Variants in RAB3IP observed in about 807,000 individuals in gnomAD.
RAB3IP encodes RAB3A interacting protein, also known as rab-3A-interacting protein.
Under a neutral mutation model 59.1 loss-of-function variants are expected in RAB3IP, and 36 were observed. That is an observed-to-expected ratio of 0.61 (90% CI 0.47 to 0.80). The LOEUF (loss-of-function observed/expected upper bound fraction) is 0.80. Ranked by LOEUF, RAB3IP falls within the 30% of genes least tolerant of loss-of-function variation. The pLI is 0.00. For synonymous variants in RAB3IP, 207 were observed against 191.2 expected (o/e 1.08, Z -0.68); for missense variants, 511 against 536.0 (o/e 0.95, Z 0.46).
At chr12:69,808,078 C>G (rs1879769181) in intron 8 of RAB3IP, among the ~76,000 whole-genome samples, 1 of 152,186 alleles carries the variant, frequency 6.6e-6, no homozygotes, top group Non-Finnish European at 1.5e-5. Flanking sequence ...CCCAGAGATT[C>G]TGGTATGTTG....
At chr12:69,794,375 CAA>C in intron 4 of RAB3IP, 60 bp from the exon 5 acceptor site, 5 of 1,385,526 alleles carry the variant, frequency 3.6e-6, no homozygotes, top group Non-Finnish European at 5.1e-6. Flanking sequence ...AAACATTTGG[CAA>C]GAACTTTTTG....
rs1447773527 is a variant in RAB3IP at position 69,817,502 on chromosome 12, AT to A, written c.*2058del. The A allele has an allele frequency of 6.6e-6, 1 of 152,076 alleles. No individual in the cohort carries two copies. Among genetic ancestry groups the A allele is most frequent in the Admixed American group, 6.6e-5 (1 of 15,266 alleles). 9.4% of individuals were successfully genotyped at this position (152,076 alleles called of 1,614,324 possible). On this transcript the variant is annotated 3_prime_UTR_variant, in exon 11 of 11. Coordinates refer to ENST00000247833, the MANE Select transcript of RAB3IP (RefSeq NM_022456.5). ...GAATATAAGTTATGGTATATTATAAATTCTTAATTTAGAAATCGTGCATCAG... is the reference window on the plus strand; with the variant it reads ...GAATATAAGTTATGGTATATTATAAATCTTAATTTAGAAATCGTGCATCAG...
chr12:69,752,004 C>CTTTTTTTT (rs769835694), intron 1 of RAB3IP, among the ~76,000 whole-genome samples: 1 of 129,494 alleles, frequency 7.7e-6, no homozygotes, highest in African/African-American at 2.8e-5. Flanking sequence ...TTCTTTTGTT[C>CTTTTTTTT]TTTTTTTTTT....
chr12:69,743,332 T>G (rs1565865040), intron 1 of RAB3IP, among the ~76,000 whole-genome samples: 1 of 152,236 alleles, frequency 6.6e-6, no homozygotes, highest in East Asian at 1.9e-4. Flanking sequence ...CAATTCCCTG[T>G]GGGGAAAAGA....
intron 3 of RAB3IP, among the ~76,000 whole-genome samples, chr12:69,770,289 C>T (rs1872887148): frequency 1.3e-5 from 2 of 151,518 alleles, no homozygotes; most frequent in Admixed American, 6.6e-5. Context: ...TCCAAATCCG[C>T]CCCCCCACCC....
At chr12:69,809,633 G>A (rs971662427) in intron 8 of RAB3IP, among the ~76,000 whole-genome samples, 5 of 151,944 alleles carry the variant, frequency 3.3e-5, no homozygotes, top group Admixed American at 2.0e-4. Flanking sequence ...TTCTCTTCAC[G>A]CTTCATTTCA....
chr12:69,785,717 T>C (rs1875528760), intron 4 of RAB3IP, among the ~76,000 whole-genome samples: 2 of 152,246 alleles, frequency 1.3e-5, no homozygotes, highest in Admixed American at 1.3e-4. Flanking sequence ...TAAATGTTAT[T>C]CTTATCCAGA....
chr12:69,751,576 T>C (rs558310725), intron 1 of RAB3IP, among the ~76,000 whole-genome samples: 8 of 152,232 alleles, frequency 5.3e-5, no homozygotes, highest in Non-Finnish European at 8.8e-5. Context: ...TTTTCTAATA[T>C]GCTGAAAATC....
At chr12:69,739,808 T>A (rs1565861706) in intron 1 of RAB3IP, 1 of 1,613,738 alleles carries the variant, frequency 6.2e-7, no homozygotes. Context: ...GTGATGATGC[T>A]GGGTGGAAGT....
chr12:69,769,987 A>C (rs571629189), intron 3 of RAB3IP, among the ~76,000 whole-genome samples: 11 of 152,356 alleles, frequency 7.2e-5, no homozygotes, highest in Non-Finnish European at 1.3e-4. Flanking sequence ...CGAATTAAAT[A>C]TCTTCAAAAG....
intron 8 of RAB3IP, among the ~76,000 whole-genome samples, 177 bp downstream of exon 8, chr12:69,801,898 A>C (rs1031658422): frequency 6.6e-6 from 1 of 150,610 alleles, no homozygotes; most frequent in African/African-American, 2.4e-5. Context: ...ATAGTATTTC[A>C]GATTTAGCAT....
chr12:69,812,410 C>A, intron 8 of RAB3IP: 1 of 185,286 alleles, frequency 5.4e-6, no homozygotes, highest in South Asian at 1.4e-4. Flanking sequence ...GAGACTTGAA[C>A]AGTCATCATG....
At chr12:69,768,244 C>G (rs1044849537) in intron 3 of RAB3IP, among the ~76,000 whole-genome samples, 1 of 152,172 alleles carries the variant, frequency 6.6e-6, no homozygotes, top group Non-Finnish European at 1.5e-5. Flanking sequence ...CAGAGAGGGT[C>G]TTGCTGTACC....
chr12:69,748,324 A>G lies in RAB3IP; in HGVS notation c.-25-7060A>G, dbSNP rs193100542. On this transcript the variant is annotated intron_variant, in intron 1 of 10. Transcript: ENST00000247833. ...GTCCTAGGGATGGCTTTTGTTTTCA[A>G]GAAACATTTTAAAAATTCACTTTAA... Among the ~76,000 whole-genome samples the G allele has an allele frequency of 5.9e-5, 9 of 152,286 alleles. No homozygotes were observed. The East Asian group carries it at 1.2e-3, about 20-fold the overall frequency.
chr12:69,769,510 C>G (rs1035980064), intron 3 of RAB3IP, among the ~76,000 whole-genome samples: 2 of 152,222 alleles, frequency 1.3e-5, no homozygotes, highest in Non-Finnish European at 2.9e-5. Context: ...TGTTTGTCAG[C>G]ATTCTCCTCC....
intron 6 of RAB3IP, among the ~76,000 whole-genome samples, chr12:69,797,477 C>CTTTTTTTTTTTTT: frequency 1.5e-4 from 8 of 54,938 alleles, no homozygotes; most frequent in South Asian, 8.0e-4. Context: ...TCTTTTCTTT[C>CTTTTTTTTTTTTT]TTTTTTTTTT....
intron 1 of RAB3IP, among the ~76,000 whole-genome samples, chr12:69,744,625 G>A (rs548950856): frequency 6.6e-6 from 1 of 150,546 alleles, no homozygotes; most frequent in East Asian, 2.0e-4. Flanking sequence ...TCAGGAGACA[G>A]ATGTTGCAGT....
intron 2 of RAB3IP, 144 bp from the exon 3 acceptor site, chr12:69,756,261 G>C: frequency 1.3e-6 from 1 of 749,738 alleles, no homozygotes; most frequent in Admixed American, 2.8e-5. Flanking sequence ...CACTTGAAAT[G>C]TGGCTGATAT....
chr12:69,807,702 G>A lies in RAB3IP; in HGVS notation c.1131-5076G>A, dbSNP rs568696046. Among the ~76,000 whole-genome samples the A allele has an allele frequency of 1.6e-4, 22 of 139,262 alleles. No individual in the cohort carries two copies. The East Asian group carries it at 3.1e-3, about 20-fold the overall frequency. The allele number at this position is 139,262 out of a possible 152,430, so 91.4% of individuals were successfully genotyped here. Reference sequence around the variant, plus strand: ...AGACGATGGGCGGCCGGGCAGAGGCGCTCCTCACTTCCTAGATGGGGCGGC... The same window carrying A: ...AGACGATGGGCGGCCGGGCAGAGGCACTCCTCACTTCCTAGATGGGGCGGC... On this transcript the variant is annotated intron_variant, in intron 8 of 10. Coordinates refer to ENST00000247833, the MANE Select transcript of RAB3IP (RefSeq NM_022456.5).
Sources: allele counts gnomAD v4.1 joint callset (sites outside exome capture counted in the v4.1 genomes callset), GRCh38; gene constraint gnomAD v4.1.1; transcripts MANE v1.5; gene names NCBI Gene and HGNC (gene_info 2026-07-23, HGNC 2026-07-21).